GALNT13: variants seen among roughly 807,000 people sequenced by gnomAD.
The protein encoded by GALNT13 is polypeptide N-acetylgalactosaminyltransferase 13.
GALNT13 carries 28 observed loss-of-function variants against 64.2 expected under a neutral mutation model. The ratio of observed to expected loss-of-function variants is 0.44; its 90% CI spans 0.32 to 0.60. The LOEUF is 0.60. Among genes scored for constraint, GALNT13 ranks in the 20% least tolerant of loss-of-function variants. The pLI is 0.05. For missense variants in GALNT13, 577 were observed against 669.8 expected, an observed-to-expected ratio of 0.86 and a Z score of 1.53; for synonymous variants, 214 against 224.6, an observed-to-expected ratio of 0.95 and a Z score of 0.42.
the GALNT13 span, among the ~76,000 whole-genome samples, chr2:153,323,413 C>T: frequency 6.6e-6 from 1 of 152,000 alleles, no homozygotes; most frequent in African/African-American, 2.4e-5. Context: ...GAATAGATTG[C>T]AAAATTTTTC....
At chr2:153,713,008 G>C in the GALNT13 span, among the ~76,000 whole-genome samples, 22 of 152,146 alleles carry the variant, frequency 1.4e-4, no homozygotes. Flanking sequence ...TGTGCTGTGG[G>C]AACCTGTTGT....
At chr2:153,543,800 T>C in the GALNT13 span, among the ~76,000 whole-genome samples, 9 of 152,360 alleles carry the variant, frequency 5.9e-5, no homozygotes, top group East Asian at 1.7e-3. Context: ...ATTACATTAT[T>C]GCAAATTGTT....
At chr2:153,918,622 T>C (rs1689551898) in intron 2 of GALNT13, among the ~76,000 whole-genome samples, 1 of 152,136 alleles carries the variant, frequency 6.6e-6, no homozygotes, top group Non-Finnish European at 1.5e-5. Context: ...TGCCTCTTCC[T>C]CTATAAACCA....
chr2:153,233,687 T>G, the GALNT13 span, among the ~76,000 whole-genome samples: 1 of 152,122 alleles, frequency 6.6e-6, no homozygotes, highest in Non-Finnish European at 1.5e-5. Flanking sequence ...ATATTTACAT[T>G]AAATGAAGGC....
chr2:154,197,675 T>C (rs1393554088), intron 4 of GALNT13, among the ~76,000 whole-genome samples: 2 of 151,856 alleles, frequency 1.3e-5, no homozygotes, highest in Admixed American at 6.6e-5. Flanking sequence ...AGTAAAAGAC[T>C]GATATTTTAA....
intron 4 of GALNT13, among the ~76,000 whole-genome samples, chr2:154,184,865 T>G (rs1686167588): frequency 6.6e-6 from 1 of 152,136 alleles, no homozygotes; most frequent in Non-Finnish European, 1.5e-5. Context: ...ATCTTAACTT[T>G]TATATTAGAA....
the GALNT13 span, among the ~76,000 whole-genome samples, chr2:153,202,699 G>A: frequency 3.5e-4 from 54 of 152,182 alleles, no homozygotes; most frequent in African/African-American, 1.2e-3. Context: ...TGTTTTACCC[G>A]AATTTATAAA....
chr2:153,562,491 A>C, the GALNT13 span, among the ~76,000 whole-genome samples: 1 of 152,094 alleles, frequency 6.6e-6, no homozygotes, highest in Admixed American at 6.6e-5. Context: ...TTTTGTCAAA[A>C]AACACCATGT....
Position 153,944,539 on chromosome 2 carries a change from G to C in GALNT13, c.42G>C (p.Ser14=). Residue 14 remains serine (S), a synonymous_variant, in exon 3 of 13, where the codon TCG becomes TCC. Transcript: ENST00000392825. The part of the protein sequence containing the change: ...FVYCKVVLAT[S]LMWVLVDVFL... ...ACTGCAAGGTGGTTCTAGCCACTTC[G>C]CTGATGTGGGTTCTTGTTGATGTCT... 2.5e-6 allele frequency: 4 copies of C among 1,613,276 alleles called. No individual in the cohort carries two copies. Among genetic ancestry groups the C allele is most frequent in the Non-Finnish European group, 3.4e-6 (4 of 1,179,336 alleles).
intron 3 of GALNT13, among the ~76,000 whole-genome samples, chr2:154,005,667 C>A (rs986109540): frequency 5.3e-5 from 8 of 151,936 alleles, no homozygotes; most frequent in Non-Finnish European, 7.4e-5. Context: ...TTCCCAGATG[C>A]GTACAAATAT....
chr2:153,870,669 G>A (rs1685865457), upstream of GALNT13, among the ~76,000 whole-genome samples: 2 of 151,100 alleles, frequency 1.3e-5, no homozygotes, highest in Non-Finnish European at 2.9e-5. Flanking sequence ...CTTGACTCAC[G>A]AAAAGATATA....
the GALNT13 span, among the ~76,000 whole-genome samples, chr2:153,355,956 C>G: frequency 6.6e-6 from 1 of 152,126 alleles, no homozygotes; most frequent in African/African-American, 2.4e-5. Context: ...TATGAATGAG[C>G]TTTGGAGTTA....
At chr2:153,588,827 C>G in the GALNT13 span, among the ~76,000 whole-genome samples, 1 of 152,312 alleles carries the variant, frequency 6.6e-6, no homozygotes, top group Admixed American at 6.5e-5. Flanking sequence ...AACTGAATGC[C>G]TTTAACAGCA....
the GALNT13 span, chr2:153,171,893 T>A: frequency 6.6e-6 from 1 of 152,228 alleles, no homozygotes; most frequent in Admixed American, 6.5e-5. Context: ...AAGCCAGGAC[T>A]GACCATGTAG....
At chr2:153,409,225 C>T in the GALNT13 span, among the ~76,000 whole-genome samples, 3 of 150,604 alleles carry the variant, frequency 2.0e-5, no homozygotes, top group Non-Finnish European at 4.4e-5. Flanking sequence ...TATCATGGGA[C>T]GTCACCTTGT....
At chr2:153,455,223 C>G in the GALNT13 span, among the ~76,000 whole-genome samples, 2 of 152,150 alleles carry the variant, frequency 1.3e-5, no homozygotes, top group Non-Finnish European at 2.9e-5. Context: ...GATAACTTCT[C>G]AGACCTAAGA....
At chr2:154,350,158 G>A (rs1696312581) in intron 9 of GALNT13, among the ~76,000 whole-genome samples, 7 of 152,164 alleles carry the variant, frequency 4.6e-5, no homozygotes, top group Admixed American at 4.6e-4. Context: ...GGTTAACATT[G>A]AGTGTCAACT....
At chr2:153,728,994 T>C in the GALNT13 span, among the ~76,000 whole-genome samples, 1 of 152,036 alleles carries the variant, frequency 6.6e-6, no homozygotes, top group African/African-American at 2.4e-5. Context: ...AGGCAGTAAT[T>C]AATAGTGTAT....
intron 3 of GALNT13, among the ~76,000 whole-genome samples, chr2:153,975,778 T>G (rs1694037332): frequency 6.6e-6 from 1 of 152,066 alleles, no homozygotes; most frequent in Non-Finnish European, 1.5e-5. Context: ...AAAACTGTGT[T>G]GCATACTTGA....
Sources: gnomAD v4.1 joint callset for allele counts (sites outside exome capture counted in the v4.1 genomes callset) on GRCh38, gnomAD v4.1.1 for gene constraint, MANE v1.5 for transcripts, NCBI Gene and HGNC (gene_info 2026-07-23, HGNC 2026-07-21) for gene names.